Variants in SOHLH2 observed in about 807,000 individuals in gnomAD.
SOHLH2 encodes the protein spermatogenesis and oogenesis specific basic helix-loop-helix 2, also known as spermatogenesis- and oogenesis-specific basic helix-loop-helix-containing protein 2.
SOHLH2 carries 22 observed loss-of-function variants against 50.4 expected under a neutral mutation model. That is an observed-to-expected ratio of 0.44 (90% CI 0.31 to 0.62). SOHLH2 has a LOEUF of 0.62. Ranked by LOEUF, SOHLH2 falls within the 20% of genes least tolerant of loss-of-function variation. SOHLH2 has a pLI of 0.08. For missense variants in SOHLH2, 412 were observed against 504.4 expected, an observed-to-expected ratio of 0.82 and a Z score of 1.76; for synonymous variants, 185 against 187.3, an observed-to-expected ratio of 0.99 and a Z score of 0.10.
intron 2 of SOHLH2, among the ~76,000 whole-genome samples, chr13:36,200,287 T>C (rs1037706619): frequency 6.6e-6 from 1 of 152,204 alleles, no homozygotes; most frequent in African/African-American, 2.4e-5. Context: ...AGTAGGATAG[T>C]TTACAACAGG....
chr13:36,175,346 T>C (rs9546599), intron 6 of SOHLH2, among the ~76,000 whole-genome samples: 23,994 of 152,242 alleles, frequency 0.16, 2,287 homozygotes, highest in East Asian at 0.42. Flanking sequence ...AGACCACATT[T>C]CCAACAACAG....
intron 2 of SOHLH2, among the ~76,000 whole-genome samples, chr13:36,197,974 T>C (rs1479577976): frequency 1.3e-5 from 2 of 152,238 alleles, no homozygotes; most frequent in African/African-American, 4.8e-5. Flanking sequence ...GAGTAGGTCA[T>C]GTAAACTACC....
chr13:36,184,675 G>A (rs1183852159), intron 6 of SOHLH2, among the ~76,000 whole-genome samples: 2 of 151,974 alleles, frequency 1.3e-5, no homozygotes, highest in Admixed American at 6.5e-5. Context: ...AGCTAGGATG[G>A]TCTCGATCTC....
chr13:36,211,422 G>A (rs550000160), intron 1 of SOHLH2, among the ~76,000 whole-genome samples: 6 of 152,184 alleles, frequency 3.9e-5, no homozygotes, highest in African/African-American at 1.2e-4. Flanking sequence ...AGGGCTGGGC[G>A]CTAGGAGCAC....
At chr13:36,185,080 G>A (rs924983100) in intron 6 of SOHLH2, among the ~76,000 whole-genome samples, 1 of 152,042 alleles carries the variant, frequency 6.6e-6, no homozygotes, top group Non-Finnish European at 1.5e-5. Flanking sequence ...CTTCATCTAC[G>A]TCCCTGCAAA....
chr13:36,205,153 C>T (rs1269485306), intron 1 of SOHLH2, among the ~76,000 whole-genome samples: 1 of 152,166 alleles, frequency 6.6e-6, no homozygotes, highest in African/African-American at 2.4e-5. Context: ...ACTCTCTGTT[C>T]AGTTCCAATA....
In SOHLH2 at chr13:36,202,044, G is replaced by C. The variant is rs766273062; in HGVS notation, c.98C>G (p.Ala33Gly). 9 of 1,614,210 alleles carry C rather than the reference G, an allele frequency of 5.6e-6. 1 individual carries two copies. The South Asian group carries it at 9.9e-5, about 18-fold the overall frequency. Reference sequence around the variant, plus strand: ...TGCAAATAGTTTCTGTACAGTATCAGCCAGGTAGCCCACAGTGACATCTCC... The same window carrying C: ...TGCAAATAGTTTCTGTACAGTATCACCCAGGTAGCCCACAGTGACATCTCC... ...LVGDVTVGYL[A>G]DTVQKLFANI... Residue 33 changes from alanine (A) to glycine (G), a missense_variant, in exon 2 of 11, where the codon GCT (alanine) becomes GGT (glycine). Physicochemically the swap from Ala to Gly is moderately conservative, Grantham distance 60. Transcript: ENST00000379881.
intron 9 of SOHLH2, 96 bp downstream of exon 9, chr13:36,173,596 A>G (rs1887020014): frequency 7.0e-7 from 1 of 1,436,032 alleles, no homozygotes; most frequent in East Asian, 2.3e-5. Context: ...GCTCTCCTGG[A>G]TTCCCTGGTT....
intron 2 of SOHLH2, among the ~76,000 whole-genome samples, chr13:36,195,043 T>C (rs1188392140): frequency 1.3e-5 from 2 of 152,156 alleles, no homozygotes; most frequent in African/African-American, 2.4e-5. Flanking sequence ...GGGGATATCA[T>C]GGTAAACAGA....
chr13:36,168,938 G>A lies in SOHLH2; in HGVS notation c.*96C>T, dbSNP rs1886890077. On this transcript the variant is annotated 3_prime_UTR_variant, in exon 11 of 11. Coordinates refer to ENST00000379881, the MANE Select transcript of SOHLH2 (RefSeq NM_017826.3). ...CAACTCTTTTGATATTAGGTCTTTG[G>A]GTGGAGCTTTCAAAATCATTCTTTG... 4 of 1,530,782 alleles carry A rather than the reference G, an allele frequency of 2.6e-6. No homozygotes were observed. Among genetic ancestry groups the A allele is most frequent in the Non-Finnish European group, 2.6e-6 (3 of 1,140,642 alleles). 94.8% of individuals were successfully genotyped at this position (1,530,782 alleles called of 1,614,324 possible). A position where few individuals can be genotyped will look rare whatever the true frequency, so the allele number is the denominator to read the frequency against.
chr13:36,173,390 A>G (rs1454351049), intron 9 of SOHLH2, among the ~76,000 whole-genome samples: 1 of 152,238 alleles, frequency 6.6e-6, no homozygotes, highest in Non-Finnish European at 1.5e-5. Context: ...CAGTCCTGAA[A>G]TTATACGAAT....
chr13:36,191,533 A>G (rs1020729573), intron 5 of SOHLH2, among the ~76,000 whole-genome samples: 1 of 152,208 alleles, frequency 6.6e-6, no homozygotes, highest in Non-Finnish European at 1.5e-5. Context: ...TTGCTTAGTG[A>G]TAACATAGAC....
At chr13:36,210,427 C>T (rs1018544848) in intron 1 of SOHLH2, among the ~76,000 whole-genome samples, 5 of 151,626 alleles carry the variant, frequency 3.3e-5, no homozygotes, top group Non-Finnish European at 5.9e-5. Flanking sequence ...CTAAATGTCA[C>T]ATTTTACTGT....
chr13:36,173,563 G>A, intron 9 of SOHLH2, 129 bp downstream of exon 9: 1 of 1,079,842 alleles, frequency 9.3e-7, no homozygotes, highest in Non-Finnish European at 1.4e-6. Context: ...ACCTGAGGCT[G>A]ACAATACCAG....
Position 36,174,787 on chromosome 13 carries a change from G to C in SOHLH2, c.724C>G (p.Leu242Val). 1.2e-6 allele frequency: 2 copies of C among 1,612,680 alleles called. No homozygotes were observed. The highest frequency in any genetic ancestry group is 2.2e-5 in the East Asian group (1 of 44,878). Residue 242 changes from leucine (L) to valine (V), a missense_variant, in exon 7 of 11, where the codon CTT becomes GTT. Transcript: ENST00000379881. ...TTCACATAATCAACTGTTGCCTCAA[G>C]AACTGAAGCCGCATCATTCTTTCTC... ...KGRKNDAASV[L>V]EATVDYVKYI...
intron 1 of SOHLH2, among the ~76,000 whole-genome samples, chr13:36,210,541 A>T (rs1869055300): frequency 6.6e-6 from 1 of 151,924 alleles, no homozygotes; most frequent in Non-Finnish European, 1.5e-5. Flanking sequence ...TGATCTTTTA[A>T]TTTGGAATAC....
intron 6 of SOHLH2, among the ~76,000 whole-genome samples, chr13:36,179,748 C>T (rs1887198431): frequency 6.6e-6 from 1 of 152,020 alleles, no homozygotes; most frequent in South Asian, 2.1e-4. Flanking sequence ...ACCAGTCTTG[C>T]TTTTCTAGGA....
intron 1 of SOHLH2, among the ~76,000 whole-genome samples, chr13:36,206,033 T>C (rs959619322): frequency 6.6e-6 from 1 of 152,006 alleles, no homozygotes; most frequent in Non-Finnish European, 1.5e-5. Context: ...GAGTTCATTT[T>C]GCTTCTTAAC....
intron 9 of SOHLH2, among the ~76,000 whole-genome samples, chr13:36,171,964 A>T (rs1164313828): frequency 6.6e-6 from 1 of 152,238 alleles, no homozygotes; most frequent in Admixed American, 6.5e-5. Context: ...ATACATTAAA[A>T]AATGAACACG....
Sources: allele counts gnomAD v4.1 joint callset (sites outside exome capture counted in the v4.1 genomes callset), GRCh38; gene constraint gnomAD v4.1.1; transcripts MANE v1.5; gene names NCBI Gene and HGNC (gene_info 2026-07-23, HGNC 2026-07-21).